The following LSAMP variants were observed in gnomAD, a reference collection of about 807,000 sequenced individuals.
The protein encoded by LSAMP is limbic system-associated membrane protein.
Under a neutral mutation model 38.6 loss-of-function variants are expected in LSAMP, and 7 were observed. The ratio of observed to expected loss-of-function variants is 0.18; its 90% CI spans 0.10 to 0.34. The LOEUF (loss-of-function observed/expected upper bound fraction) is 0.34. Ranked by LOEUF, LSAMP falls within the 10% of genes least tolerant of loss-of-function variation. The probability of loss-of-function intolerance (pLI) is 1.00; values close to 1 mark genes in which losing one functional copy is unlikely to be tolerated. For synonymous variants in LSAMP, 154 were observed against 166.8 expected, an observed-to-expected ratio of 0.92 and a Z score of 0.59; for missense variants, 313 against 420.0, an observed-to-expected ratio of 0.75 and a Z score of 2.23.
At chr3:116,187,029 C>T (rs1250433593) in intron 1 of LSAMP, among the ~76,000 whole-genome samples, 1 of 152,116 alleles carries the variant, frequency 6.6e-6, no homozygotes, top group East Asian at 1.9e-4. Flanking sequence ...ATAAAAAACA[C>T]AACAAAGAAT....
At chr3:116,102,284 C>T (rs1708365259) in intron 1 of LSAMP, among the ~76,000 whole-genome samples, 1 of 152,112 alleles carries the variant, frequency 6.6e-6, no homozygotes, top group South Asian at 2.1e-4. Context: ...AAATACCATC[C>T]TATATTTATT....
chr3:116,223,896 A>T (rs2046315576), intron 1 of LSAMP, among the ~76,000 whole-genome samples: 2 of 152,172 alleles, frequency 1.3e-5, no homozygotes, highest in African/African-American at 2.4e-5. Context: ...GAAATTGCTG[A>T]TACTTTCACA....
chr3:116,199,369 C>T (rs1188156331), intron 1 of LSAMP, among the ~76,000 whole-genome samples: 1 of 152,168 alleles, frequency 6.6e-6, no homozygotes, highest in Non-Finnish European at 1.5e-5. Flanking sequence ...TTTCTTCCTA[C>T]CTTCAATCTT....
chr3:116,019,458 G>A, intron 3 of LSAMP, 57 bp downstream of exon 3: 8 of 1,577,870 alleles, frequency 5.1e-6, no homozygotes, highest in Non-Finnish European at 6.9e-6. Flanking sequence ...AGAATTCCAG[G>A]AGCATGAGCA....
chr3:116,430,453 T>A (rs2049265834), intron 1 of LSAMP, among the ~76,000 whole-genome samples: 1 of 152,148 alleles, frequency 6.6e-6, no homozygotes. Flanking sequence ...TCCATAAAGA[T>A]GTTTTTATTT....
chr3:116,066,582 C>T (rs1707441776), intron 2 of LSAMP, among the ~76,000 whole-genome samples: 1 of 152,174 alleles, frequency 6.6e-6, no homozygotes, highest in Non-Finnish European at 1.5e-5. Flanking sequence ...TCTGATACCG[C>T]CACTTTCTGG....
At chr3:116,207,170 G>T (rs2046081553) in intron 1 of LSAMP, among the ~76,000 whole-genome samples, 1 of 151,476 alleles carries the variant, frequency 6.6e-6, no homozygotes, top group African/African-American at 2.4e-5. Flanking sequence ...GGCCTTCTTT[G>T]TCTCTTTTGA....
At chr3:116,056,822 T>C (rs1191642654) in intron 2 of LSAMP, among the ~76,000 whole-genome samples, 1 of 152,166 alleles carries the variant, frequency 6.6e-6, no homozygotes, top group Non-Finnish European at 1.5e-5. Context: ...GGGATCTAGA[T>C]ACAATACCAT....
At chr3:116,107,603 T>A (rs1445401027) in intron 1 of LSAMP, among the ~76,000 whole-genome samples, 3 of 152,288 alleles carry the variant, frequency 2.0e-5, no homozygotes, top group South Asian at 2.1e-4. Flanking sequence ...TGTGTGTTTT[T>A]AAGAGAATTA....
At chr3:116,343,471 G>C (rs2048023704) in intron 1 of LSAMP, among the ~76,000 whole-genome samples, 1 of 152,080 alleles carries the variant, frequency 6.6e-6, no homozygotes, top group Non-Finnish European at 1.5e-5. Flanking sequence ...TAGCTTCTTA[G>C]GTTTCAGGTA....
intron 1 of LSAMP, among the ~76,000 whole-genome samples, chr3:116,121,663 C>T (rs1708878856): frequency 6.6e-6 from 1 of 152,074 alleles, no homozygotes; most frequent in East Asian, 1.9e-4. Context: ...TACTATTATG[C>T]CCATTTTAGA....
intron 1 of LSAMP, among the ~76,000 whole-genome samples, chr3:116,420,286 TG>T (rs2049104324): frequency 6.6e-6 from 1 of 151,862 alleles, no homozygotes; most frequent in Admixed American, 6.6e-5. Context: ...TTAGTAGAGA[TG>T]GGGTTTCACC....
chr3:115,891,379 G>A (rs1936595334), intron 3 of LSAMP, among the ~76,000 whole-genome samples: 1 of 151,972 alleles, frequency 6.6e-6, no homozygotes, highest in African/African-American at 2.4e-5. Flanking sequence ...AATGTCATGA[G>A]AAGAAACAAG....
At chr3:116,213,740 T>C (rs1165626093) in intron 1 of LSAMP, among the ~76,000 whole-genome samples, 2 of 152,182 alleles carry the variant, frequency 1.3e-5, no homozygotes, top group Admixed American at 1.3e-4. Context: ...AAAGAGGAGA[T>C]TCTGCAATAT....
intron 1 of LSAMP, among the ~76,000 whole-genome samples, chr3:116,212,332 GT>G (rs2046168414): frequency 6.6e-6 from 1 of 151,914 alleles, no homozygotes. Flanking sequence ...TTCTTTTTTT[GT>G]TTTGTTTTTC....
chr3:115,993,713 T>G (rs1467785124), intron 3 of LSAMP, among the ~76,000 whole-genome samples: 1 of 152,082 alleles, frequency 6.6e-6, no homozygotes, highest in Non-Finnish European at 1.5e-5. Flanking sequence ...AAAAAAATTT[T>G]TTTAAGTAAA....
At chr3:116,212,016 G>C (rs574946117) in intron 1 of LSAMP, among the ~76,000 whole-genome samples, 1 of 152,160 alleles carries the variant, frequency 6.6e-6, no homozygotes, top group East Asian at 1.9e-4. Context: ...GGTTACAATT[G>C]AGTTCTTCTT....
At chr3:116,139,016 A>C (rs1709314553) in intron 1 of LSAMP, among the ~76,000 whole-genome samples, 1 of 151,782 alleles carries the variant, frequency 6.6e-6, no homozygotes, top group African/African-American at 2.4e-5. Context: ...CATATATAAT[A>C]TATAATGCAT....
intron 3 of LSAMP, among the ~76,000 whole-genome samples, chr3:115,914,730 C>T (rs1937209969): frequency 6.6e-6 from 1 of 152,142 alleles, no homozygotes; most frequent in Non-Finnish European, 1.5e-5. Context: ...AGAACTGCTC[C>T]TTGTTCCCCA....
Sources: allele counts gnomAD v4.1 joint callset (sites outside exome capture counted in the v4.1 genomes callset), GRCh38; gene constraint gnomAD v4.1.1; transcripts MANE v1.5; gene names NCBI Gene and HGNC (gene_info 2026-07-23, HGNC 2026-07-21).